The following GFI1B variants were observed in gnomAD, a reference collection of about 807,000 sequenced individuals.
GFI1B encodes the protein zinc finger protein Gfi-1b.
In GFI1B, 20 loss-of-function variants were observed where a neutral mutation model predicts 35.3. The ratio of observed to expected loss-of-function variants is 0.57; its 90% CI spans 0.40 to 0.82. GFI1B has a LOEUF of 0.82. Ranked by LOEUF, GFI1B falls within the 40% of genes least tolerant of loss-of-function variation. The probability of loss-of-function intolerance (pLI) is 0.00; values close to 1 mark genes in which losing one functional copy is unlikely to be tolerated. For missense variants in GFI1B, 430 were observed against 446.3 expected, an observed-to-expected ratio of 0.96 and a Z score of 0.33; for synonymous variants, 178 against 177.6, an observed-to-expected ratio of 1.00 and a Z score of -0.02.
chr9:132,960,882 A>C (rs796857571), intron 1 of GFI1B, among the ~76,000 whole-genome samples: 31 of 151,862 alleles, frequency 2.0e-4, no homozygotes, highest in African/African-American at 7.0e-4. Flanking sequence ...ACGCCTCTAC[A>C]CACCCCCAGC....
intron 1 of GFI1B, among the ~76,000 whole-genome samples, chr9:132,954,788 G>A (rs1032060930): frequency 6.6e-5 from 10 of 151,046 alleles, no homozygotes; most frequent in Middle Eastern, 3.4e-3. Flanking sequence ...GCGCAATCTC[G>A]ACTCACTGCA....
chr9:132,958,624 A>G (rs1848318656), intron 1 of GFI1B, among the ~76,000 whole-genome samples: 1 of 152,040 alleles, frequency 6.6e-6, no homozygotes, highest in African/African-American at 2.4e-5. Context: ...ACCAGACCCC[A>G]CCTCCAATAT....
At chr9:132,972,516 G>A (rs1184416544) in intron 1 of GFI1B, among the ~76,000 whole-genome samples, 2 of 152,202 alleles carry the variant, frequency 1.3e-5, no homozygotes, top group Non-Finnish European at 2.9e-5. Flanking sequence ...CTTGAGCCCA[G>A]GAGGTCGTGG....
chr9:132,966,801 A>G (rs993533204), intron 1 of GFI1B, among the ~76,000 whole-genome samples: 1 of 152,234 alleles, frequency 6.6e-6, no homozygotes. Context: ...TGATGCAGTG[A>G]AGCCCACAGC....
chr9:132,976,473 G>A (rs560454993), upstream of GFI1B: 2 of 152,314 alleles, frequency 1.3e-5, no homozygotes, highest in Admixed American at 6.5e-5. Flanking sequence ...TACTCAAGAT[G>A]TGTCCCTGGC....
chr9:132,990,749 T>C, intron 6 of GFI1B, 123 bp from the exon 7 acceptor site: 1 of 788,442 alleles, frequency 1.3e-6, no homozygotes, highest in African/African-American at 1.7e-5. Context: ...GAATGTGAGT[T>C]GGCCATGAGA....
In GFI1B at chr9:132,989,111, T is replaced by C; in HGVS notation, c.561T>C (p.Ser187=). 2 of 1,614,010 alleles carry C rather than the reference T, an allele frequency of 1.2e-6. No homozygotes were observed. Among genetic ancestry groups the C allele is most frequent in the South Asian group, 2.2e-5 (2 of 91,084 alleles). ...AAGTGCATGTGCGACGCTCCCATAG[T>C]GGGACCCGGCCCTTCGCCTGTGACA... is the stretch of plus-strand genomic sequence containing the variant. The part of the protein sequence containing the change: ...GLEVHVRRSH[S]GTRPFACDIC... The change falls in exon 5 of 7, where the codon AGT becomes AGC. Residue 187 remains serine, a synonymous_variant. Transcript: ENST00000372122. This position sits in a 1 kb window ranked among gnomAD's most constrained non-coding sequence, Gnocchi z 6.2.
At chr9:132,977,481 A>C (rs1848666153), upstream of GFI1B, among the ~76,000 whole-genome samples, 1 of 152,130 alleles carries the variant, frequency 6.6e-6, no homozygotes, top group African/African-American at 2.4e-5. Flanking sequence ...TTGGACTTGC[A>C]GTTTAAATTG....
At chr9:132,975,691 G>T (rs1848616957), upstream of GFI1B, among the ~76,000 whole-genome samples, 1 of 152,206 alleles carries the variant, frequency 6.6e-6, no homozygotes, top group East Asian at 1.9e-4. Flanking sequence ...GTTACATAAG[G>T]GAGGGAAGGA....
At chr9:132,976,201 ATGAAACCATTAAAGATTTAATGG>A (rs576142956), upstream of GFI1B, among the ~76,000 whole-genome samples, 1,216 of 152,324 alleles carry the variant, frequency 8.0e-3, 10 homozygotes, top group African/African-American at 0.024. Context: ...GAGATAAACC[ATGAAACCATTAAAGATTTAATGG>A]TGAAACCATT....
rs1487977761 is a variant in GFI1B, at chr9:132,991,072, C to T, written c.*22C>T. 4 of 1,608,330 alleles carry T rather than the reference C, an allele frequency of 2.5e-6. No individual in the cohort carries two copies. In the South Asian group the frequency reaches 3.3e-5, roughly 13 times the overall value. ...GTGAGGCTGCGCCGGCTCCCAGCTC[C>T]TGGCCAGCCTGCCCTGCGGTCCTGT... On this transcript the variant is annotated 3_prime_UTR_variant, in exon 7 of 7. Coordinates refer to ENST00000372122, the MANE Select transcript of GFI1B (RefSeq NM_001377304.1).
At chr9:132,987,164 A>T in intron 2 of GFI1B, 118 bp from the exon 3 acceptor site, 1 of 1,124,350 alleles carries the variant, frequency 8.9e-7, no homozygotes, top group Non-Finnish European at 1.3e-6. Context: ...CGCCAGAAGC[A>T]GCGGCACGTG....
At chr9:132,967,718 A>G (rs1411553786) in intron 1 of GFI1B, among the ~76,000 whole-genome samples, 1 of 152,206 alleles carries the variant, frequency 6.6e-6, no homozygotes, top group Non-Finnish European at 1.5e-5. Context: ...GTGAAGTGTC[A>G]TGATATCTAT....
chr9:132,957,065 C>T (rs1025810739), intron 1 of GFI1B, among the ~76,000 whole-genome samples: 7 of 152,170 alleles, frequency 4.6e-5, no homozygotes, highest in African/African-American at 1.2e-4. Context: ...CATCCCATCA[C>T]GTTTTCCATC....
chr9:132,979,349 C>T (rs1848735870), intron 1 of GFI1B, among the ~76,000 whole-genome samples: 1 of 148,274 alleles, frequency 6.7e-6, no homozygotes, highest in African/African-American at 2.5e-5. Flanking sequence ...AAGCGATTCT[C>T]CTGCCTCAGC....
At chr9:132,948,502 T>C (rs1029551060) in intron 1 of GFI1B, among the ~76,000 whole-genome samples, 4 of 152,188 alleles carry the variant, frequency 2.6e-5, no homozygotes, top group Admixed American at 2.6e-4. Context: ...TCAGAGGCCT[T>C]TGGAAGGACA....
At chr9:132,972,542 A>G (rs765973990) in intron 1 of GFI1B, among the ~76,000 whole-genome samples, 47 of 152,164 alleles carry the variant, frequency 3.1e-4, no homozygotes, top group Non-Finnish European at 5.7e-4. Context: ...GTGAGCCATG[A>G]TGGAGCCACT....
At chr9:132,954,792 C>T (rs892251839) in intron 1 of GFI1B, among the ~76,000 whole-genome samples, 2 of 151,438 alleles carry the variant, frequency 1.3e-5, no homozygotes, top group African/African-American at 4.9e-5. Flanking sequence ...AATCTCGACT[C>T]ACTGCAACCT....
intron 1 of GFI1B, among the ~76,000 whole-genome samples, chr9:132,970,545 C>G (rs1331634037): frequency 6.6e-6 from 1 of 152,314 alleles, no homozygotes; most frequent in East Asian, 1.9e-4. Flanking sequence ...TGGTGCTCAT[C>G]AGAAAAGGTT....
Sources: allele counts gnomAD v4.1 joint callset (sites outside exome capture counted in the v4.1 genomes callset), GRCh38; gene constraint gnomAD v4.1.1; non-coding constraint Gnocchi (gnomAD v3.1); transcripts MANE v1.5; gene names NCBI Gene and HGNC (gene_info 2026-07-23, HGNC 2026-07-21).